SVIL: variants seen among roughly 807,000 people sequenced by gnomAD.
The protein encoded by SVIL is supervillin, also known as archvillin.
In SVIL, 101 loss-of-function variants were observed where a neutral mutation model predicts 240.4. The ratio of observed to expected loss-of-function variants is 0.42; its 90% CI spans 0.36 to 0.50. SVIL has a LOEUF of 0.50. SVIL is among the 20% of genes least tolerant of loss of function. The pLI is 0.01. For synonymous variants in SVIL, 999 were observed against 1,100.0 expected (o/e 0.91, Z 1.82); for missense variants, 2,512 against 2,818.7 (o/e 0.89, Z 2.46).
intron 1 of SVIL, chr10:29,711,768 A>G (rs1036196794): frequency 1.3e-5 from 2 of 152,026 alleles, no homozygotes; most frequent in Non-Finnish European, 2.9e-5. Context: ...TCTCAAGGAA[A>G]AAAAAAAAAA....
intron 18 of SVIL, chr10:29,496,545 C>A (rs1359402782): frequency 8.0e-6 from 3 of 374,958 alleles, no homozygotes; most frequent in Non-Finnish European, 1.6e-5. Flanking sequence ...GCCGGGCAAA[C>A]CCCGCTGCCA....
intron 1 of SVIL, among the ~76,000 whole-genome samples, chr10:29,629,186 G>A (rs1957989652): frequency 6.6e-6 from 1 of 152,140 alleles, no homozygotes; most frequent in Non-Finnish European, 1.5e-5. Context: ...CAGGAGAAGA[G>A]CAGAGTGGAA....
At chr10:29,734,268 TG>T (rs1237966748) in intron 1 of SVIL, among the ~76,000 whole-genome samples, 9 of 152,216 alleles carry the variant, frequency 5.9e-5, no homozygotes, top group Non-Finnish European at 1.0e-4. Context: ...GCTATGGCAC[TG>T]GCATTAACAC....
At position 29,473,883 on chromosome 10, in the gene SVIL, C is replaced by T. The variant is rs149757899; in HGVS notation, c.5484G>A (p.Thr1828=). 240 of 1,614,104 alleles carry T rather than the reference C, an allele frequency of 1.5e-4. 1 individual carries two copies. In the African/African-American group the frequency reaches 2.6e-3, roughly 17 times the overall value. The change falls in exon 30 of 38, where the codon ACG becomes ACA. Residue 1828 remains threonine, a synonymous_variant. Transcript: ENST00000355867. ...CCAGCTCCACCGTCATCAGCGCCGACGTGCCCTTCTCACTCACGGTGGAGT... is the reference window on the plus strand; with the variant it reads ...CCAGCTCCACCGTCATCAGCGCCGATGTGCCCTTCTCACTCACGGTGGAGT... ...GRHSTVSEKG[T]SALMTVELDE...
chr10:29,467,857 T>A lies in SVIL; in HGVS notation c.5862A>T (p.Gly1954=), dbSNP rs1294175583. The A allele has an allele frequency of 6.2e-7, 1 of 1,614,208 alleles. No individual in the cohort carries two copies. ...KIKEQCPLEA[G]LHSSSKVTIH... The stretch of plus-strand genomic sequence containing the variant: ...TTGTGACTTTGCTGCTACTATGCAG[T>A]CCTGCTTCCAGGGGACATCTGCAAG... The change falls in exon 33 of 38, where the codon GGA becomes GGT. Residue 1954 remains glycine (G), a synonymous_variant. Coordinates refer to ENST00000355867, the MANE Select transcript of SVIL (RefSeq NM_021738.3).
At chr10:29,684,053 C>T (rs1361211767) in intron 2 of SVIL, among the ~76,000 whole-genome samples, 2 of 151,844 alleles carry the variant, frequency 1.3e-5, no homozygotes, top group African/African-American at 4.8e-5. Context: ...GCCAACCACC[C>T]CCACCGAAAA....
chr10:29,690,161 G>A (rs552407829), intron 1 of SVIL, among the ~76,000 whole-genome samples: 1 of 152,170 alleles, frequency 6.6e-6, no homozygotes, highest in Admixed American at 6.5e-5. Flanking sequence ...ATGTAGAATC[G>A]CCTCATTTTA....
At position 29,458,479 on chromosome 10, in the gene SVIL, G is replaced by T. The variant is rs1200064259; in HGVS notation, c.6513C>A (p.Val2171=). 2 of 1,581,888 alleles carry T rather than the reference G, an allele frequency of 1.3e-6. No homozygotes were observed. Among genetic ancestry groups the T allele is most frequent in the Admixed American group, 3.6e-5 (2 of 56,110 alleles). Reference sequence around the variant, plus strand: ...GATAGATCTCAAGCTTCAGAGGATCGACCCCCTCCGGGAGTGGCCTGGCCA... The same window carrying T: ...GATAGATCTCAAGCTTCAGAGGATCTACCCCCTCCGGGAGTGGCCTGGCCA... The part of the protein sequence containing the change: ...DLLARPLPEG[V]DPLKLEIYLT... The change falls in exon 37 of 38, where the codon GTC becomes GTA. Residue 2171 remains valine (V), a synonymous_variant. Transcript: ENST00000355867.
chr10:29,533,911 A>G (rs1355751790), intron 7 of SVIL, among the ~76,000 whole-genome samples: 1 of 152,160 alleles, frequency 6.6e-6, no homozygotes, highest in Non-Finnish European at 1.5e-5. Flanking sequence ...AAACGCTGTA[A>G]TTTCATTGTC....
rs776816011 is a variant in SVIL, at chr10:29,463,511, A to C, written c.6258T>G (p.Thr2086=). 1 of 1,614,056 alleles carries C rather than the reference A, an allele frequency of 6.2e-7. No individual in the cohort carries two copies. Residue 2086 remains threonine, a synonymous_variant, in exon 35 of 38, where the codon ACT becomes ACG. Coordinates refer to ENST00000355867, the MANE Select transcript of SVIL (RefSeq NM_021738.3). ...WASDRKSAME[T]VLQYCKGKNL... is the part of the protein sequence containing the mutation. ...CCTCACCTTTGCAGTACTGGAGCACAGTCTCCATCGCACTCTTCCGGTCGG... is the reference window on the plus strand; with the variant it reads ...CCTCACCTTTGCAGTACTGGAGCACCGTCTCCATCGCACTCTTCCGGTCGG...
In SVIL at chr10:29,550,839, G is replaced by A; in HGVS notation, c.585C>T (p.Asp195=). The A allele has an allele frequency of 1.9e-6, 3 of 1,614,138 alleles. No individual in the cohort carries two copies. The highest frequency in any genetic ancestry group is 2.5e-6 in the Non-Finnish European group (3 of 1,180,032). ...TTTCTATGTTCAGCAGCACCTCCGG[G>A]TCGGAAGAGCCGTCACCCACATGGA... is the stretch of plus-strand genomic sequence containing the variant. ...YALHVGDGSS[D]PEVLLNIENQ... Residue 195 remains aspartate (D), a synonymous_variant, in exon 6 of 38, where the codon GAC becomes GAT. Transcript: ENST00000355867.
chr10:29,525,054 G>A (rs1950809340), intron 13 of SVIL, among the ~76,000 whole-genome samples: 1 of 152,168 alleles, frequency 6.6e-6, no homozygotes. Flanking sequence ...ATGAAAGGGA[G>A]TCACAAAGTA....
At chr10:29,628,808 T>A (rs549014687) in intron 1 of SVIL, among the ~76,000 whole-genome samples, 77 of 152,228 alleles carry the variant, frequency 5.1e-4, no homozygotes, top group African/African-American at 1.8e-3. Context: ...TTTTAAAAAA[T>A]CTTAAATGGA....
Position 29,532,151 on chromosome 10 carries a change from C to A in SVIL, c.1860G>T (p.Ser620=). The A allele has an allele frequency of 1.9e-6, 3 of 1,613,928 alleles. No homozygotes were observed. Among genetic ancestry groups the A allele is most frequent in the South Asian group, 1.1e-5 (1 of 91,070 alleles). The part of the protein sequence containing the change: ...RPELKSRVER[S]AEGPGLPTGV... ...CGGTGGGCAAGCCAGGTCCTTCAGC[C>A]GACCTCTCCACCCGTGATTTGCTTT... The change falls in exon 9 of 38, where the codon TCG becomes TCT. Residue 620 remains serine (S), a synonymous_variant. Coordinates refer to ENST00000355867, the MANE Select transcript of SVIL (RefSeq NM_021738.3).
At chr10:29,537,608 G>A (rs373865183) in intron 6 of SVIL, among the ~76,000 whole-genome samples, 1 of 152,184 alleles carries the variant, frequency 6.6e-6, no homozygotes, top group Admixed American at 6.5e-5. Context: ...AAAACTTTAT[G>A]AGCCTATCTG....
intron 3 of SVIL, among the ~76,000 whole-genome samples, chr10:29,642,794 C>T (rs921229766): frequency 5.3e-5 from 8 of 152,112 alleles, no homozygotes; most frequent in African/African-American, 1.9e-4. Flanking sequence ...AGCCATTCTC[C>T]TGCCTCAGCC....
chr10:29,719,116 C>T (rs1038450809), intron 1 of SVIL, among the ~76,000 whole-genome samples: 1 of 152,058 alleles, frequency 6.6e-6, no homozygotes, highest in Non-Finnish European at 1.5e-5. Flanking sequence ...TCAAAACAAA[C>T]AAACAAAAAG....
chr10:29,558,193 A>T lies in SVIL; in HGVS notation c.-50-3085T>A, dbSNP rs1954116099. ...CACTGCACTCTTTTCAGTCAAGCCT[A>T]GATTCAACGCAAAGCTATGCCAAGC... On this transcript the variant is annotated intron_variant, in intron 3 of 37. Coordinates refer to ENST00000355867, the MANE Select transcript of SVIL (RefSeq NM_021738.3). Among the ~76,000 whole-genome samples the T allele has an allele frequency of 2.0e-5, 3 of 152,176 alleles. No homozygotes were observed. The South Asian group carries it at 6.2e-4, about 32-fold the overall frequency.
intron 12 of SVIL, 48 bp downstream of exon 12, chr10:29,529,657 T>A (rs531321437): frequency 1.2e-5 from 18 of 1,531,474 alleles, no homozygotes; most frequent in African/African-American, 2.8e-5. Context: ...TGTATTTTTT[T>A]AAAAAAAGAC....
Sources: allele counts gnomAD v4.1 joint callset (sites outside exome capture counted in the v4.1 genomes callset), GRCh38; gene constraint gnomAD v4.1.1; transcripts MANE v1.5; gene names NCBI Gene and HGNC (gene_info 2026-07-23, HGNC 2026-07-21).